Variants in OVCH1 observed in about 807,000 individuals in gnomAD.
OVCH1 encodes the protein ovochymase-1.
A neutral mutation model predicts 138.4 loss-of-function variants in OVCH1; 139 were observed. The observed-to-expected ratio is 1.00, with a 90% CI of 0.87 to 1.16. The LOEUF is 1.16. Among genes scored for constraint, OVCH1 ranks in the 50% most tolerant of loss-of-function variants. The pLI, the probability that OVCH1 is intolerant of heterozygous loss-of-function variation, is 0.00. For missense variants in OVCH1, 1,367 were observed against 1,357.9 expected, an observed-to-expected ratio of 1.01 and a Z score of -0.11; for synonymous variants, 453 against 467.8, an observed-to-expected ratio of 0.97 and a Z score of 0.41.
chr12:29,409,755 G>GGT (rs1940928455), downstream of OVCH1, among the ~76,000 whole-genome samples: 1 of 152,142 alleles, frequency 6.6e-6, no homozygotes, highest in Non-Finnish European at 1.5e-5. Context: ...GAATAGGTGT[G>GGT]GTGTGGTGCT....
At position 29,451,584 on chromosome 12, in the gene OVCH1, A is replaced by G; in HGVS notation, c.2531-15T>C. On this transcript the variant is annotated splice_polypyrimidine_tract_variant and intron_variant, in intron 21 of 27. Transcript: ENST00000318184. ...AGAGCAACAACCTGCAATTCAGAAC[A>G]CACAGACACCAGGGACCAACATAAA... 1 of 1,591,322 alleles carries G rather than the reference A, an allele frequency of 6.3e-7. No individual in the cohort carries two copies. The highest frequency in any genetic ancestry group is 1.7e-4 in the Middle Eastern group (1 of 6,006).
At chr12:29,488,859 A>G (rs544498677) in intron 6 of OVCH1, among the ~76,000 whole-genome samples, 2 of 152,156 alleles carry the variant, frequency 1.3e-5, no homozygotes, top group African/African-American at 4.8e-5. Flanking sequence ...CCTTTAGCCT[A>G]TCTGTTTTCC....
chr12:29,419,295 T>G (rs1344699879), intron 3 of OVCH1, among the ~76,000 whole-genome samples: 1 of 150,466 alleles, frequency 6.6e-6, no homozygotes, highest in African/African-American at 2.4e-5. Context: ...AAAGTATGAT[T>G]TTTTTTTTTT....
chr12:29,470,962 A>G lies in OVCH1; in HGVS notation c.1856+840T>C, dbSNP rs537305071. Among the ~76,000 whole-genome samples the G allele has an allele frequency of 8.5e-5, 13 of 152,252 alleles. No homozygotes were observed. The East Asian group carries it at 2.5e-3, about 29-fold the overall frequency. On this transcript the variant is annotated intron_variant, in intron 16 of 27. Coordinates refer to ENST00000318184, the Ensembl canonical transcript of OVCH1. ...TGTGGTTTTGATTTGCATTTCTCTA[A>G]TGACCAGTGATATTGAGCTTTTTTT... is the stretch of plus-strand genomic sequence containing the variant.
intron 8 of OVCH1, among the ~76,000 whole-genome samples, chr12:29,484,073 G>C (rs1025342175): frequency 2.6e-5 from 4 of 152,148 alleles, no homozygotes; most frequent in African/African-American, 9.7e-5. Context: ...TCAAGTCTCA[G>C]TACGATTTTA....
chr12:29,474,246 T>C lies in OVCH1; in HGVS notation c.1600+815A>G, dbSNP rs562355498. Among the ~76,000 whole-genome samples the C allele has an allele frequency of 3.6e-4, 55 of 152,292 alleles. 1 individual carries two copies. Among genetic ancestry groups the C allele is most frequent in the African/African-American group, 1.0e-3 (42 of 41,576 alleles). On this transcript the variant is annotated intron_variant, in intron 14 of 27. Transcript: ENST00000318184. ...TTTACAATGATTTTCTCAGTACTTT[T>C]CTTGCATGTAAGTTCATTCATAATC... is the stretch of plus-strand genomic sequence containing the variant.
intron 17 of OVCH1, 155 bp from the exon 18 acceptor site, chr12:29,464,857 T>G: frequency 1.4e-6 from 1 of 735,672 alleles, no homozygotes; most frequent in Non-Finnish European, 2.2e-6. Flanking sequence ...CAATATTGGT[T>G]TACAATTTGC....
intron 25 of OVCH1, among the ~76,000 whole-genome samples, chr12:29,442,140 A>G (rs1325653735): frequency 2.0e-5 from 3 of 151,958 alleles, no homozygotes; most frequent in Non-Finnish European, 2.9e-5. Context: ...CCAAAGGACT[A>G]TAAATCATGC....
chr12:29,449,821 G>A lies in OVCH1; in HGVS notation c.2755+1524C>T, dbSNP rs558121577. Reference sequence around the variant, plus strand: ...GTACTGGTACCAAAACAGATATATAGACCAATGGAAGAGAACAGAGGCCTC... The same window carrying A: ...GTACTGGTACCAAAACAGATATATAAACCAATGGAAGAGAACAGAGGCCTC... On this transcript the variant is annotated intron_variant, in intron 22 of 27. Coordinates refer to ENST00000318184, the Ensembl canonical transcript of OVCH1. Among the ~76,000 whole-genome samples, 6 of 152,154 alleles carry A rather than the reference G, an allele frequency of 3.9e-5. No individual in the cohort carries two copies. In the East Asian group the frequency reaches 1.2e-3, roughly 29 times the overall value.
chr12:29,484,201 G>A (rs187822929), intron 8 of OVCH1, among the ~76,000 whole-genome samples: 10 of 152,202 alleles, frequency 6.6e-5, no homozygotes, highest in Admixed American at 3.9e-4. Context: ...TAGAAAATTC[G>A]TAAAATGAGA....
chr12:29,436,012 A>G (rs554929038), intron 26 of OVCH1, among the ~76,000 whole-genome samples: 1 of 152,258 alleles, frequency 6.6e-6, no homozygotes, highest in South Asian at 2.1e-4. Flanking sequence ...CCTGTATTTC[A>G]TTTACTTTTT....
intron 19 of OVCH1, among the ~76,000 whole-genome samples, chr12:29,456,387 A>G (rs1941951941): frequency 6.6e-6 from 1 of 152,230 alleles, no homozygotes; most frequent in Non-Finnish European, 1.5e-5. Context: ...ACTCTCTTAG[A>G]TATGGCTAAT....
chr12:29,492,998 T>C (rs548521502), intron 4 of OVCH1, among the ~76,000 whole-genome samples: 4 of 152,246 alleles, frequency 2.6e-5, no homozygotes, highest in Admixed American at 2.0e-4. Flanking sequence ...TTTAGCAACA[T>C]AGAGGTCATT....
chr12:29,418,896 TC>T (rs1322481670), intron 3 of OVCH1, among the ~76,000 whole-genome samples: 7 of 152,204 alleles, frequency 4.6e-5, no homozygotes, highest in Non-Finnish European at 7.4e-5. Flanking sequence ...TATTGCACTA[TC>T]ACCAATCTGG....
chr12:29,444,572 G>A (rs1196425549), intron 23 of OVCH1, among the ~76,000 whole-genome samples: 1 of 151,990 alleles, frequency 6.6e-6, no homozygotes, highest in African/African-American at 2.4e-5. Context: ...TCTGAAAGCA[G>A]TATTCTTAAT....
chr12:29,423,742 A>G (rs776446384), downstream of OVCH1, among the ~76,000 whole-genome samples: 2 of 152,226 alleles, frequency 1.3e-5, no homozygotes, highest in East Asian at 1.9e-4. Context: ...AAATAAAACA[A>G]TGAAACACTA....
rs3064302 is a variant in OVCH1, at chr12:29,413,669, TACACACAC to T, written c.*72-952_*72-945del. Among the ~76,000 whole-genome samples, 145 of 150,924 alleles carry T rather than the reference TACACACAC, an allele frequency of 9.6e-4. 2 individuals are homozygous for T. The highest frequency in any genetic ancestry group is 3.1e-3 in the African/African-American group (127 of 40,876). ...TATGTGTCTGTGTGTATTACACACA[TACACACAC>T]ACACACACACACATTGGTTTTCCCA... On this transcript the variant is annotated intron_variant and NMD_transcript_variant, in intron 3 of 4. Coordinates refer to the OVCH1 transcript ENST00000539117.
Position 29,428,011 on chromosome 12 carries a change from C to T in OVCH1, c.3328-363G>A, listed in dbSNP as rs565650545. Reference sequence around the variant, plus strand: ...AAGAGTGAGAAAGAGAAAAGCAGTCCCTGACATACAGAGAACCTGGTCTGA... The same window carrying T: ...AAGAGTGAGAAAGAGAAAAGCAGTCTCTGACATACAGAGAACCTGGTCTGA... On this transcript the variant is annotated intron_variant, in intron 27 of 27. Transcript: ENST00000318184. Among the ~76,000 whole-genome samples, 15 of 152,136 alleles carry T rather than the reference C, an allele frequency of 9.9e-5. 1 individual carries two copies. The South Asian group carries it at 2.5e-3, about 25-fold the overall frequency.
At chr12:29,446,844 C>T (rs1375709506) in intron 22 of OVCH1, among the ~76,000 whole-genome samples, 1 of 151,562 alleles carries the variant, frequency 6.6e-6, no homozygotes, top group Non-Finnish European at 1.5e-5. Context: ...AAGATTCTGA[C>T]CTCAGAATGC....
Sources: gnomAD v4.1 joint callset for allele counts (sites outside exome capture counted in the v4.1 genomes callset) on GRCh38, gnomAD v4.1.1 for gene constraint, MANE v1.5 for transcripts, NCBI Gene and HGNC (gene_info 2026-07-23, HGNC 2026-07-21) for gene names.